The following IQSEC3 variants were observed in gnomAD, a reference collection of about 807,000 sequenced individuals.
The protein encoded by IQSEC3 is IQ motif and Sec7 domain ArfGEF 3, also known as IQ motif and SEC7 domain-containing protein 3.
Under a neutral mutation model 105.4 loss-of-function variants are expected in IQSEC3, and 50 were observed. That is an observed-to-expected ratio of 0.47 (90% CI 0.38 to 0.60). The LOEUF is 0.60. Among genes scored for constraint, IQSEC3 ranks in the 20% least tolerant of loss-of-function variants. The probability of loss-of-function intolerance (pLI) is 0.00; values close to 1 mark genes in which losing one functional copy is unlikely to be tolerated. For synonymous variants in IQSEC3, 708 were observed against 746.0 expected (o/e 0.95, Z 0.83); for missense variants, 1,415 against 1,630.0 (o/e 0.87, Z 2.27).
In IQSEC3 at chr12:139,038, G is replaced by C. The variant is rs1555088024; in HGVS notation, c.1675G>C (p.Ala559Pro). 6.7e-7 allele frequency: 1 copy of C among 1,489,152 alleles called. No homozygotes were observed. Among genetic ancestry groups the C allele is most frequent in the East Asian group, 2.5e-5 (1 of 40,756 alleles). The allele number at this position is 1,489,152 out of a possible 1,614,324, so 92.2% of individuals were successfully genotyped here. A position where few individuals can be genotyped will look rare whatever the true frequency, so the allele number is the denominator to read the frequency against. ...CGAGGACTCATGCGCAGAGGCTGCGGCTAGTGGGGCGGCGGATGGGGCCAC... is the reference window on the plus strand; with the variant it reads ...CGAGGACTCATGCGCAGAGGCTGCGCCTAGTGGGGCGGCGGATGGGGCCAC... ...SAEDSCAEAA[A>P]SGAADGATAP... is the part of the protein sequence containing the mutation. The change falls in exon 4 of 14, where the codon GCT (alanine) becomes CCT (proline). Residue 559 changes from alanine to proline, a missense_variant. Coordinates refer to ENST00000538872, the MANE Select transcript of IQSEC3 (RefSeq NM_001170738.2).
intron 1 of IQSEC3, among the ~76,000 whole-genome samples, chr12:94,692 G>T (rs1555074348): frequency 6.6e-6 from 1 of 152,214 alleles, no homozygotes. Context: ...GACCTGGGAG[G>T]ACCAGCAGGT....
Position 169,094 on chromosome 12 carries a change from G to C in IQSEC3, c.3053G>C (p.Gly1018Ala). Reference sequence around the variant, plus strand: ...CAGGGGGACCCACAGTCAAAGCAAGGATCGCCGACAGGTGAGCCTCGGCTC... The same window carrying C: ...CAGGGGGACCCACAGTCAAAGCAAGCATCGCCGACAGGTGAGCCTCGGCTC... The part of the protein sequence containing the change: ...GAQGDPQSKQ[G>A]SPTAKREAAL... The change falls in exon 12 of 14, where the codon GGA (glycine) becomes GCA (alanine). Residue 1018 changes from glycine to alanine, a missense_variant. Gly to Ala is a moderately conservative substitution (Grantham distance 60). Around this residue, in one of 6 missense-constraint regions of IQSEC3, gnomAD observed 419 missense variants for 436.2 expected, o/e 0.96. Transcript: ENST00000538872. 2 of 1,613,940 alleles carry C rather than the reference G, an allele frequency of 1.2e-6. No individual in the cohort carries two copies. The highest frequency in any genetic ancestry group is 1.7e-6 in the Non-Finnish European group (2 of 1,180,002).
chr12:86,782 G>A (rs1863930839), intron 1 of IQSEC3, among the ~76,000 whole-genome samples: 1 of 152,140 alleles, frequency 6.6e-6, no homozygotes, highest in African/African-American at 2.4e-5. Context: ...GTCATTTCTT[G>A]TATGACCTCC....
rs1867127568 is a variant in IQSEC3, at chr12:165,533, T to C, written c.2809T>C (p.Tyr937His). The change falls in exon 10 of 14, where the codon TAT becomes CAT. Residue 937 changes from tyrosine to histidine, a missense_variant and splice_region_variant. This residue lies in a region of IQSEC3 where 419 missense variants were observed against 436.2 expected (regional missense o/e 0.96). Coordinates refer to ENST00000538872, the MANE Select transcript of IQSEC3 (RefSeq NM_001170738.2). The part of the protein sequence containing the change: ...GMQFQLFENE[Y>H]YSHGITLVTP... ...GCAGTTCCAGCTCTTTGAGAACGAG[T>C]GTAAGTCTTTGACAGCCAGTGTAAG... 2.5e-6 allele frequency: 4 copies of C among 1,612,830 alleles called. No individual in the cohort carries two copies. The highest frequency in any genetic ancestry group is 3.4e-6 in the Non-Finnish European group (4 of 1,178,912).
In IQSEC3 at chr12:151,865, G is replaced by A. The variant is rs1343597439; in HGVS notation, c.2154-5160G>A. On this transcript the variant is annotated intron_variant, in intron 5 of 13. Transcript: ENST00000538872. ...CAGCTCTCCCCTCTCTCCTTCCTTT[G>A]GCCACCTCCTACTCATCTTTCAGGC... Among the ~76,000 whole-genome samples, 4 of 151,920 alleles carry A rather than the reference G, an allele frequency of 2.6e-5. No homozygotes were observed. In the East Asian group the frequency reaches 7.7e-4, roughly 29 times the overall value.
At chr12:169,187 G>A in intron 12 of IQSEC3, 82 bp downstream of exon 12, 2 of 1,123,104 alleles carry the variant, frequency 1.8e-6, no homozygotes, top group Admixed American at 3.8e-5. Flanking sequence ...GCAATCTGCA[G>A]GGAGAGGTGC....
Position 165,719 on chromosome 12 carries a change from T to G in IQSEC3, c.2810-10T>G. ...CACAGCCCACTGGGGGCCTGGGGTC[T>G]GCTTTCCAGATTACTCTCATGGCAT... On this transcript the variant is annotated splice_polypyrimidine_tract_variant and intron_variant, in intron 10 of 13. Transcript: ENST00000538872. 6 of 1,613,118 alleles carry G rather than the reference T, an allele frequency of 3.7e-6. No individual in the cohort carries two copies. In the Admixed American group the frequency reaches 6.7e-5, roughly 18 times the overall value.
At chr12:145,821 G>A (rs1866241395) in intron 5 of IQSEC3, among the ~76,000 whole-genome samples, 1 of 152,224 alleles carries the variant, frequency 6.6e-6, no homozygotes, top group African/African-American at 2.4e-5. Context: ...TCCAGCGGAT[G>A]GGGAACGTTC....
chr12:150,437 G>A (rs2137027750), intron 5 of IQSEC3, among the ~76,000 whole-genome samples: 1 of 152,366 alleles, frequency 6.6e-6, no homozygotes. Context: ...TAGCATGGGG[G>A]CAGCCACCTG....
chr12:122,713 G>A (rs988585778), intron 2 of IQSEC3, among the ~76,000 whole-genome samples: 2 of 152,182 alleles, frequency 1.3e-5, no homozygotes, highest in Non-Finnish European at 2.9e-5. Flanking sequence ...GGACAGGGAA[G>A]CTGGGGCATT....
chr12:170,441 T>G (rs1421670441), intron 12 of IQSEC3, among the ~76,000 whole-genome samples: 1 of 152,224 alleles, frequency 6.6e-6, no homozygotes, highest in Non-Finnish European at 1.5e-5. Flanking sequence ...CCTCTCCTGC[T>G]GCAGGAAGCA....
intron 1 of IQSEC3, among the ~76,000 whole-genome samples, chr12:86,762 A>G (rs1001378464): frequency 2.0e-5 from 3 of 152,002 alleles, no homozygotes; most frequent in African/African-American, 7.2e-5. Context: ...CTTCACAACA[A>G]CCTGATGAGG....
intron 2 of IQSEC3, among the ~76,000 whole-genome samples, chr12:122,844 T>C (rs1219664658): frequency 6.6e-6 from 1 of 152,234 alleles, no homozygotes; most frequent in Non-Finnish European, 1.5e-5. Flanking sequence ...TAAAGGTGTC[T>C]GGACCCTTGA....
chr12:95,719 C>G (rs1479283199), intron 1 of IQSEC3, among the ~76,000 whole-genome samples: 1 of 152,152 alleles, frequency 6.6e-6, no homozygotes, highest in African/African-American at 2.4e-5. Flanking sequence ...TGGGATCACT[C>G]TTTATATATT....
At chr12:154,654 C>T (rs1555093646) in intron 5 of IQSEC3, among the ~76,000 whole-genome samples, 1 of 152,144 alleles carries the variant, frequency 6.6e-6, no homozygotes, top group African/African-American at 2.4e-5. Flanking sequence ...CTCCATGCCG[C>T]CCCCACCACA....
chr12:131,561 G>A (rs965724134), intron 3 of IQSEC3, among the ~76,000 whole-genome samples: 14 of 152,328 alleles, frequency 9.2e-5, no homozygotes, highest in Admixed American at 6.5e-5. Context: ...TCTGGAATTT[G>A]ATTTCCCTGG....
At chr12:137,006 A>T (rs939281508) in intron 3 of IQSEC3, among the ~76,000 whole-genome samples, 2 of 152,196 alleles carry the variant, frequency 1.3e-5, no homozygotes, top group African/African-American at 4.8e-5. Context: ...TCCTGGGATC[A>T]GATCTGCCCA....
intron 1 of IQSEC3, among the ~76,000 whole-genome samples, chr12:71,986 T>C (rs1863337967): frequency 2.0e-5 from 3 of 152,288 alleles, no homozygotes. Flanking sequence ...CCTGAAGGCC[T>C]AGGCCACTGC....
At chr12:98,872 A>G (rs1174275720) in intron 1 of IQSEC3, among the ~76,000 whole-genome samples, 1 of 152,198 alleles carries the variant, frequency 6.6e-6, no homozygotes, top group African/African-American at 2.4e-5. Context: ...GTGCAGAAGT[A>G]GGAAGGGTGA....
Sources: allele counts gnomAD v4.1 joint callset (sites outside exome capture counted in the v4.1 genomes callset), GRCh38; gene constraint gnomAD v4.1.1; regional missense constraint gnomAD v4.1.1; transcripts MANE v1.5; gene names NCBI Gene and HGNC (gene_info 2026-07-23, HGNC 2026-07-21).